Variants in ZFHX4 observed in about 807,000 individuals in gnomAD.
ZFHX4 encodes zinc finger homeobox protein 4.
ZFHX4 carries 56 observed loss-of-function variants against 267.6 expected under a neutral mutation model. That is an observed-to-expected ratio of 0.21 (90% CI 0.17 to 0.26). The LOEUF is 0.26. ZFHX4 is among the 10% of genes least tolerant of loss of function. ZFHX4 has a pLI of 1.00. For synonymous variants in ZFHX4, 1,778 were observed against 1,665.6 expected (o/e 1.07, Z -1.64); for missense variants, 4,332 against 4,420.0 (o/e 0.98, Z 0.56).
At chr8:76,710,854 G>C (rs1463317695) in intron 3 of ZFHX4, among the ~76,000 whole-genome samples, 1 of 152,098 alleles carries the variant, frequency 6.6e-6, no homozygotes, top group Non-Finnish European at 1.5e-5. Context: ...AAAGGTTAAG[G>C]TTAGCTTAGA....
At chr8:76,692,021 G>C (rs939427009) in intron 1 of ZFHX4, among the ~76,000 whole-genome samples, 2 of 151,994 alleles carry the variant, frequency 1.3e-5, no homozygotes, top group African/African-American at 4.8e-5. Flanking sequence ...TTACTGACAG[G>C]TACCTAAATG....
chr8:76,756,472 G>A (rs1809765491), intron 3 of ZFHX4, among the ~76,000 whole-genome samples: 2 of 152,090 alleles, frequency 1.3e-5, no homozygotes, highest in South Asian at 4.1e-4. Context: ...CTCATACATT[G>A]TAAAAGGAAC....
Position 76,863,508 on chromosome 8 carries a change from A to G in ZFHX4, c.9794A>G (p.Tyr3265Cys). The G allele has an allele frequency of 6.2e-7, 1 of 1,613,542 alleles. No homozygotes were observed. Among genetic ancestry groups the G allele is most frequent in the Non-Finnish European group, 8.5e-7 (1 of 1,179,718 alleles). ...ASFIGGQFLP[Y>C]FIPGFASYFT... Reference sequence around the variant, plus strand: ...TTTATAGGCGGACAGTTCTTGCCATACTTTATCCCTGGGTTTGCTTCTTAT... The same window carrying G: ...TTTATAGGCGGACAGTTCTTGCCATGCTTTATCCCTGGGTTTGCTTCTTAT... Residue 3265 changes from tyrosine to cysteine, a missense_variant, in exon 11 of 11, where the codon TAC becomes TGC. Around this residue, in one of 7 missense-constraint regions of ZFHX4, gnomAD observed 1,648 missense variants for 1,625.0 expected, o/e 1.01. Coordinates refer to ENST00000651372, the MANE Select transcript of ZFHX4 (RefSeq NM_024721.5).
intron 3 of ZFHX4, among the ~76,000 whole-genome samples, chr8:76,734,312 G>T (rs1186856223): frequency 6.6e-6 from 1 of 152,130 alleles, no homozygotes; most frequent in African/African-American, 2.4e-5. Flanking sequence ...CAGTGAGGCC[G>T]TGAAAACAAA....
intron 4 of ZFHX4, among the ~76,000 whole-genome samples, chr8:76,783,401 A>G (rs1264945499): frequency 6.6e-6 from 1 of 152,042 alleles, no homozygotes; most frequent in Non-Finnish European, 1.5e-5. Flanking sequence ...GCTTCCAACC[A>G]TATTTTAATT....
At chr8:76,697,071 A>T (rs1807978640) in intron 1 of ZFHX4, among the ~76,000 whole-genome samples, 1 of 152,014 alleles carries the variant, frequency 6.6e-6, no homozygotes, top group South Asian at 2.1e-4. Flanking sequence ...ATGATTTTTT[A>T]AAAATATGTA....
At chr8:76,849,956 T>A in intron 8 of ZFHX4, 1 of 585,706 alleles carries the variant, frequency 1.7e-6, no homozygotes, top group Non-Finnish European at 3.0e-6. Flanking sequence ...ATATCTATAA[T>A]GTTCATCAAA....
intron 3 of ZFHX4, among the ~76,000 whole-genome samples, chr8:76,758,100 A>G (rs1809811098): frequency 6.6e-6 from 1 of 152,186 alleles, no homozygotes; most frequent in South Asian, 2.1e-4. Flanking sequence ...ATACCAAGGA[A>G]GGAACACAGT....
intron 3 of ZFHX4, among the ~76,000 whole-genome samples, chr8:76,744,691 G>C (rs1809411296): frequency 6.6e-6 from 1 of 152,122 alleles, no homozygotes; most frequent in African/African-American, 2.4e-5. Flanking sequence ...GGGATTACAG[G>C]GGTGAGCCAT....
chr8:76,772,737 C>T (rs1810296369), intron 3 of ZFHX4, among the ~76,000 whole-genome samples: 1 of 152,228 alleles, frequency 6.6e-6, no homozygotes, highest in Non-Finnish European at 1.5e-5. Context: ...CAATATTAGC[C>T]TGCTATTCAA....
chr8:76,849,164 TTA>T, intron 7 of ZFHX4, 36 bp downstream of exon 7: 1 of 1,517,958 alleles, frequency 6.6e-7, no homozygotes, highest in South Asian at 1.3e-5. Flanking sequence ...GTGTAAATCT[TTA>T]TTTTTTATTG....
chr8:76,768,363 A>T (rs1810144304), intron 3 of ZFHX4, among the ~76,000 whole-genome samples: 1 of 152,206 alleles, frequency 6.6e-6, no homozygotes, highest in Non-Finnish European at 1.5e-5. Flanking sequence ...TAATGGTAAT[A>T]AATGTAATAA....
chr8:76,685,814 T>C (rs1053134300), intron 1 of ZFHX4, among the ~76,000 whole-genome samples: 2 of 152,228 alleles, frequency 1.3e-5, no homozygotes, highest in African/African-American at 4.8e-5. Flanking sequence ...AGAGGTGTCA[T>C]TTGCATACAT....
intron 1 of ZFHX4, among the ~76,000 whole-genome samples, chr8:76,699,934 T>C (rs534215898): frequency 6.6e-6 from 1 of 152,076 alleles, no homozygotes; most frequent in East Asian, 1.9e-4. Flanking sequence ...CAAGTATAAT[T>C]ATACTTGTGA....
At chr8:76,779,463 T>C (rs1283203595) in intron 4 of ZFHX4, among the ~76,000 whole-genome samples, 1 of 152,156 alleles carries the variant, frequency 6.6e-6, no homozygotes, top group East Asian at 1.9e-4. Flanking sequence ...TTATCTACTG[T>C]AGGCCAGTTG....
At chr8:76,713,226 C>T (rs910743825) in intron 3 of ZFHX4, among the ~76,000 whole-genome samples, 1 of 151,612 alleles carries the variant, frequency 6.6e-6, no homozygotes, top group East Asian at 1.9e-4. Flanking sequence ...TTGTACCATA[C>T]CAGAAAAGAA....
At position 76,798,317 on chromosome 8, in the gene ZFHX4, G is replaced by A. The variant is rs62516838; in HGVS notation, c.3325+19878G>A. Among the ~76,000 whole-genome samples the A allele has an allele frequency of 2.6e-3, 403 of 152,212 alleles. 3 individuals are homozygous for A. Among genetic ancestry groups the A allele is most frequent in the Non-Finnish European group, 2.1e-3 (145 of 68,008 alleles). On this transcript the variant is annotated intron_variant, in intron 4 of 10. Transcript: ENST00000651372. Reference sequence around the variant, plus strand: ...ACCCATTATGCAAGGCGAGCATTCAGTTTGCAAGTGAATTTGCTTGTAGCT... The same window carrying A: ...ACCCATTATGCAAGGCGAGCATTCAATTTGCAAGTGAATTTGCTTGTAGCT...
chr8:76,822,519 G>A (rs1465375014), intron 4 of ZFHX4, among the ~76,000 whole-genome samples: 2 of 139,080 alleles, frequency 1.4e-5, no homozygotes, highest in Non-Finnish European at 3.0e-5. Flanking sequence ...GCTCACTGCA[G>A]CCTCAAACTC....
chr8:76,804,177 A>G (rs1355081304), intron 4 of ZFHX4, among the ~76,000 whole-genome samples: 1 of 152,156 alleles, frequency 6.6e-6, no homozygotes, highest in African/African-American at 2.4e-5. Flanking sequence ...ATTTAACATC[A>G]GGTAATTTGT....
Sources: gnomAD v4.1 joint callset for allele counts (sites outside exome capture counted in the v4.1 genomes callset) on GRCh38, gnomAD v4.1.1 for gene constraint, gnomAD v4.1.1 regional missense constraint, MANE v1.5 for transcripts, NCBI Gene and HGNC (gene_info 2026-07-23, HGNC 2026-07-21) for gene names.